The following AK5 variants were observed in gnomAD, a reference collection of about 807,000 sequenced individuals.
AK5 encodes the protein adenylate kinase 5.
Under a neutral mutation model 69.5 loss-of-function variants are expected in AK5, and 27 were observed. The observed-to-expected ratio is 0.39, with a 90% CI of 0.29 to 0.54. The LOEUF is 0.54. Ranked by LOEUF, AK5 falls within the 20% of genes least tolerant of loss-of-function variation. The probability of loss-of-function intolerance (pLI) is 0.71; values close to 1 mark genes in which losing one functional copy is unlikely to be tolerated. For synonymous variants in AK5, 260 were observed against 244.4 expected, an observed-to-expected ratio of 1.06 and a Z score of -0.60; for missense variants, 531 against 700.4, an observed-to-expected ratio of 0.76 and a Z score of 2.73.
intron 8 of AK5, among the ~76,000 whole-genome samples, chr1:77,441,668 C>T (rs1228870164): frequency 4.6e-5 from 7 of 152,128 alleles, no homozygotes; most frequent in Non-Finnish European, 7.3e-5. Flanking sequence ...CAAGGGCTTC[C>T]GGGGTCTTCC....
intron 5 of AK5, among the ~76,000 whole-genome samples, chr1:77,334,984 T>C (rs1003633837): frequency 1.3e-5 from 2 of 152,212 alleles, no homozygotes; most frequent in African/African-American, 4.8e-5. Flanking sequence ...TTTTAGAAAG[T>C]TTTTGTTTCA....
intron 10 of AK5, among the ~76,000 whole-genome samples, 179 bp downstream of exon 10, chr1:77,486,531 TA>T (rs1337962177): frequency 6.6e-6 from 1 of 151,610 alleles, no homozygotes; most frequent in Non-Finnish European, 1.5e-5. Context: ...CCATCTCTAG[TA>T]AAAATACAAA....
chr1:77,360,811 G>A (rs1869468), intron 6 of AK5, among the ~76,000 whole-genome samples: 142,744 of 152,224 alleles, frequency 0.94, 67,603 homozygotes, highest in East Asian at 1. Flanking sequence ...CAGCAATTCA[G>A]CTAACTTCAA....
chr1:77,552,996 C>T (rs1659893410), intron 13 of AK5, among the ~76,000 whole-genome samples: 1 of 152,164 alleles, frequency 6.6e-6, no homozygotes, highest in South Asian at 2.1e-4. Flanking sequence ...GCTATGATCT[C>T]ACTACTGCAC....
At chr1:77,539,613 G>A (rs1008134873) in intron 13 of AK5, among the ~76,000 whole-genome samples, 5 of 152,172 alleles carry the variant, frequency 3.3e-5, no homozygotes, top group African/African-American at 1.2e-4. Flanking sequence ...CAGTAGCTAG[G>A]GTGACAAGAG....
At position 77,287,083 on chromosome 1, in the gene AK5, C is replaced by G. The variant is rs1317774276; in HGVS notation, c.203C>G (p.Pro68Arg). ...GTAAGCCAGGAAAAGAAGACCTTAC[C>G]TCCACTAAATGGAGGACAGTCACGG... ...TFVSQEKKTL[P>R]PLNGGQSRRS... Residue 68 changes from proline to arginine, a missense_variant, in exon 2 of 14, where the codon CCT becomes CGT. Transcript: ENST00000354567. 1 of 1,606,888 alleles carries G rather than the reference C, an allele frequency of 6.2e-7. No individual in the cohort carries two copies. The highest frequency in any genetic ancestry group is 1.1e-5 in the South Asian group (1 of 89,950).
At chr1:77,402,133 A>G (rs573059762) in intron 6 of AK5, among the ~76,000 whole-genome samples, 1 of 152,294 alleles carries the variant, frequency 6.6e-6, no homozygotes, top group South Asian at 2.1e-4. Flanking sequence ...CTGCAATTAT[A>G]TCTCCCTGGA....
chr1:77,522,988 A>G (rs1466600456), intron 12 of AK5, among the ~76,000 whole-genome samples: 1 of 152,148 alleles, frequency 6.6e-6, no homozygotes, highest in Admixed American at 6.5e-5. Flanking sequence ...CCCCATGGCC[A>G]CACAGCTGGT....
At chr1:77,452,266 G>A (rs1158226283) in intron 8 of AK5, among the ~76,000 whole-genome samples, 1 of 151,844 alleles carries the variant, frequency 6.6e-6, no homozygotes, top group Admixed American at 6.6e-5. Flanking sequence ...TTAATGAATC[G>A]ACATACTTCT....
intron 8 of AK5, among the ~76,000 whole-genome samples, chr1:77,455,950 G>A (rs1318801881): frequency 1.8e-4 from 28 of 152,058 alleles, no homozygotes; most frequent in Non-Finnish European, 2.9e-5. Flanking sequence ...CAGGAGTGGT[G>A]GTCTCCAAAA....
intron 8 of AK5, among the ~76,000 whole-genome samples, chr1:77,425,817 A>G (rs1330581279): frequency 6.6e-6 from 1 of 152,214 alleles, no homozygotes; most frequent in African/African-American, 2.4e-5. Context: ...GAGAGCAATG[A>G]TACAAAGAAC....
At chr1:77,347,186 G>A (rs1215145840) in intron 6 of AK5, among the ~76,000 whole-genome samples, 1 of 152,202 alleles carries the variant, frequency 6.6e-6, no homozygotes, top group Non-Finnish European at 1.5e-5. Flanking sequence ...ATATTCACAT[G>A]GATATATGGT....
intron 1 of AK5, chr1:77,282,577 G>T: frequency 7.4e-7 from 1 of 1,353,460 alleles, no homozygotes; most frequent in Non-Finnish European, 9.5e-7. Context: ...GGGCTTAGAA[G>T]CCTGCATCTC....
intron 8 of AK5, among the ~76,000 whole-genome samples, chr1:77,470,445 C>T (rs1027979172): frequency 3.9e-5 from 6 of 152,126 alleles, no homozygotes; most frequent in Admixed American, 3.9e-4. Flanking sequence ...GCGGAGGTTG[C>T]AGTAAGCTGA....
At chr1:77,283,900 C>G (rs572074491) in intron 1 of AK5, among the ~76,000 whole-genome samples, 1 of 152,108 alleles carries the variant, frequency 6.6e-6, no homozygotes, top group African/African-American at 2.4e-5. Context: ...GCAAAAATTC[C>G]TACATAGTAC....
intron 6 of AK5, among the ~76,000 whole-genome samples, chr1:77,351,440 G>A (rs1662193472): frequency 6.6e-6 from 1 of 152,078 alleles, no homozygotes. Context: ...TAAATTAACA[G>A]GTTTATTTGA....
chr1:77,490,537 A>G (rs1655918687), intron 10 of AK5, among the ~76,000 whole-genome samples: 1 of 152,256 alleles, frequency 6.6e-6, no homozygotes, highest in Non-Finnish European at 1.5e-5. Context: ...CAAAAAACAA[A>G]GAAGGGATTC....
At chr1:77,557,306 A>T (rs1660155048) in intron 13 of AK5, 3 of 211,760 alleles carry the variant, frequency 1.4e-5, no homozygotes, top group Admixed American at 8.5e-5. Flanking sequence ...AGAGTTGGGC[A>T]GAAGCTCTGG....
chr1:77,535,461 G>A (rs1658906049), intron 12 of AK5, among the ~76,000 whole-genome samples: 1 of 152,138 alleles, frequency 6.6e-6, no homozygotes, highest in East Asian at 1.9e-4. Context: ...ATATCACGGT[G>A]GCTTGAAGGA....
Sources: allele counts gnomAD v4.1 joint callset (sites outside exome capture counted in the v4.1 genomes callset), GRCh38; gene constraint gnomAD v4.1.1; transcripts MANE v1.5; gene names NCBI Gene and HGNC (gene_info 2026-07-23, HGNC 2026-07-21).